The following NBDY variants were observed in gnomAD, a reference collection of about 807,000 sequenced individuals.
NBDY encodes the protein P-body dissociating protein.
rs7061586 is a variant in NBDY, at chrX:56,791,979, T to A, written c.*167-25341T>A. 9.4e-3 allele frequency among the ~76,000 whole-genome samples: 1,032 copies of A among 109,890 alleles called. 12 individuals are homozygous for A. Among genetic ancestry groups the A allele is most frequent in the African/African-American group, 0.033 (996 of 30,065 alleles). ...TCCTCCTCCTCTGTCTCTTTTTTTT[T>A]CTTTTTAATTTTTTTTTCTTTGCTT... is the stretch of plus-strand genomic sequence containing the variant. On this transcript the variant is annotated intron_variant, in intron 2 of 2. Transcript: ENST00000374922.
intron 2 of NBDY, among the ~76,000 whole-genome samples, chrX:56,816,732 T>G (rs1351627997): frequency 1.8e-5 from 2 of 110,589 alleles, no homozygotes; most frequent in Non-Finnish European, 3.8e-5. Context: ...TGTGTACATT[T>G]AAATAGAAAT....
At chrX:56,734,500 G>A (rs1376894226) in intron 2 of NBDY, among the ~76,000 whole-genome samples, 1 of 112,536 alleles carries the variant, frequency 8.9e-6, no homozygotes. Flanking sequence ...AACAATAAAA[G>A]ATATCAAACA....
chrX:56,758,633 C>T (rs936630367), intron 2 of NBDY, among the ~76,000 whole-genome samples: 2 of 111,895 alleles, frequency 1.8e-5, no homozygotes, highest in African/African-American at 3.3e-5. Context: ...TTAGTACCCC[C>T]GGCATCTTGG....
intron 2 of NBDY, among the ~76,000 whole-genome samples, chrX:56,809,563 G>A (rs1382728626): frequency 1.8e-5 from 2 of 111,757 alleles, no homozygotes; most frequent in Non-Finnish European, 3.8e-5. Context: ...TTTTATCAGA[G>A]ACTAGGATTG....
At chrX:56,804,362 T>C (rs1057391718) in intron 2 of NBDY, among the ~76,000 whole-genome samples, 7 of 111,908 alleles carry the variant, frequency 6.3e-5, no homozygotes, top group African/African-American at 1.9e-4. Flanking sequence ...GCTACTTTTC[T>C]CACTGGAGCC....
chrX:56,803,661 C>G (rs2069835048), intron 2 of NBDY, among the ~76,000 whole-genome samples: 1 of 111,653 alleles, frequency 9.0e-6, no homozygotes, highest in African/African-American at 3.3e-5. Context: ...CCGACATATT[C>G]TCGCTGAAGT....
At chrX:56,804,413 G>A (rs1044784157) in intron 2 of NBDY, among the ~76,000 whole-genome samples, 1 of 112,034 alleles carries the variant, frequency 8.9e-6, no homozygotes, top group African/African-American at 3.2e-5. Flanking sequence ...GGGTATTCTG[G>A]GTGGCTTCCA....
chrX:56,815,329 C>T (rs1894782165), intron 2 of NBDY, among the ~76,000 whole-genome samples: 1 of 111,686 alleles, frequency 9.0e-6, no homozygotes, highest in Non-Finnish European at 1.9e-5. Flanking sequence ...TTTTCTACAT[C>T]AAAATGAGGA....
chrX:56,782,982 G>A (rs761369179), intron 2 of NBDY, among the ~76,000 whole-genome samples: 5 of 110,886 alleles, frequency 4.5e-5, no homozygotes, highest in African/African-American at 1.6e-4. Context: ...GATACACACA[G>A]ACACACACAC....
intron 2 of NBDY, among the ~76,000 whole-genome samples, chrX:56,814,119 T>C (rs1245414952): frequency 1.8e-5 from 2 of 111,858 alleles, no homozygotes; most frequent in Non-Finnish European, 3.8e-5. Context: ...GCATTTTCTT[T>C]CTATCAATTT....
chrX:56,762,789 C>A lies in NBDY; in HGVS notation c.*166+30590C>A, dbSNP rs184067673. On this transcript the variant is annotated intron_variant, in intron 2 of 2. Coordinates refer to ENST00000374922, the MANE Select transcript of NBDY (RefSeq NM_001348129.2). ...TTACCCACTCTCACACAGGAAGGCACCCACAAACCATAGACACAGATACAC... is the reference window on the plus strand; with the variant it reads ...TTACCCACTCTCACACAGGAAGGCAACCACAAACCATAGACACAGATACAC... 6.3e-5 allele frequency among the ~76,000 whole-genome samples: 7 copies of A among 111,176 alleles called. No homozygotes were observed. The East Asian group carries it at 2.0e-3, about 31-fold the overall frequency.
intron 2 of NBDY, among the ~76,000 whole-genome samples, chrX:56,816,748 G>A (rs1179001416): frequency 9.1e-6 from 1 of 110,265 alleles, no homozygotes; most frequent in Non-Finnish European, 1.9e-5. Flanking sequence ...GAAATAAAAA[G>A]GTCTAGACAG....
intron 2 of NBDY, among the ~76,000 whole-genome samples, chrX:56,755,001 C>G (rs1195052895): frequency 9.0e-6 from 1 of 111,648 alleles, no homozygotes; most frequent in Non-Finnish European, 1.9e-5. Flanking sequence ...CTACAACCAT[C>G]TGATCTTTGA....
intron 2 of NBDY, among the ~76,000 whole-genome samples, chrX:56,740,694 A>G (rs1032670354): frequency 2.7e-5 from 3 of 111,014 alleles, no homozygotes; most frequent in African/African-American, 9.8e-5. Context: ...ATCTTTTTGA[A>G]TGTAAATTTT....
At chrX:56,814,303 C>A (rs2069900741) in intron 2 of NBDY, among the ~76,000 whole-genome samples, 1 of 108,613 alleles carries the variant, frequency 9.2e-6, no homozygotes, top group Non-Finnish European at 1.9e-5. Context: ...TATTTTTTCT[C>A]CATTTATTTT....
intron 2 of NBDY, among the ~76,000 whole-genome samples, chrX:56,743,253 A>G (rs1460355092): frequency 1.8e-5 from 2 of 110,884 alleles, no homozygotes; most frequent in Non-Finnish European, 3.8e-5. Context: ...TATCAGAGAT[A>G]TTGGCCTGTT....
At chrX:56,799,419 C>T (rs1329945112) in intron 2 of NBDY, among the ~76,000 whole-genome samples, 1 of 113,393 alleles carries the variant, frequency 8.8e-6, no homozygotes, top group Admixed American at 9.2e-5. Flanking sequence ...GATGGGGAAG[C>T]TCCGCCCACT....
intron 2 of NBDY, among the ~76,000 whole-genome samples, chrX:56,765,816 T>C (rs2069662811): frequency 9.1e-6 from 1 of 110,182 alleles, no homozygotes; most frequent in African/African-American, 3.3e-5. Flanking sequence ...TTCCTTCTCC[T>C]TTGCCTCTTT....
intron 2 of NBDY, among the ~76,000 whole-genome samples, chrX:56,751,043 C>T (rs1464107109): frequency 9.0e-6 from 1 of 111,547 alleles, no homozygotes; most frequent in Non-Finnish European, 1.9e-5. Context: ...AAAGTCTTAG[C>T]ATGACCTAAA....
Sources: gnomAD v4.1 joint callset for allele counts (sites outside exome capture counted in the v4.1 genomes callset) on GRCh38, gnomAD v4.1.1 for gene constraint, MANE v1.5 for transcripts, NCBI Gene and HGNC (gene_info 2026-07-23, HGNC 2026-07-21) for gene names.